Variants in DLG2 observed in about 807,000 individuals in gnomAD.
DLG2 encodes the protein discs large MAGUK scaffold protein 2.
Under a neutral mutation model 132.5 loss-of-function variants are expected in DLG2, and 45 were observed. The observed-to-expected ratio is 0.34, with a 90% CI of 0.27 to 0.44. The LOEUF is 0.44. Among genes scored for constraint, DLG2 ranks in the 20% least tolerant of loss-of-function variants. DLG2 has a pLI of 1.00. For synonymous variants in DLG2, 424 were observed against 419.6 expected (o/e 1.01, Z -0.13); for missense variants, 1,045 against 1,196.9 (o/e 0.87, Z 1.87).
At chr11:83,709,992 T>C (rs1246494285) in intron 18 of DLG2, among the ~76,000 whole-genome samples, 2 of 152,082 alleles carry the variant, frequency 1.3e-5, no homozygotes, top group Non-Finnish European at 2.9e-5. Flanking sequence ...GGGTGAGCAT[T>C]TTGTGAAAGA....
At chr11:84,614,886 C>T (rs1239886849) in intron 6 of DLG2, among the ~76,000 whole-genome samples, 1 of 152,102 alleles carries the variant, frequency 6.6e-6, no homozygotes, top group Non-Finnish European at 1.5e-5. Context: ...GTGCTATAAT[C>T]TACATCTGCT....
intron 6 of DLG2, among the ~76,000 whole-genome samples, chr11:84,951,168 A>G (rs2050861673): frequency 6.6e-6 from 1 of 152,218 alleles, no homozygotes; most frequent in Non-Finnish European, 1.5e-5. Context: ...GCTTCTAGTT[A>G]CACTGCAAGT....
chr11:83,499,850 GAGATAT>G (rs1471664998), intron 21 of DLG2, among the ~76,000 whole-genome samples: 1,253 of 58,740 alleles, frequency 0.021, 67 homozygotes, highest in Admixed American at 0.031. Flanking sequence ...CCACTAATAG[GAGATAT>G]ATATATATAT....
At chr11:85,198,136 A>G (rs1007530075) in intron 4 of DLG2, among the ~76,000 whole-genome samples, 1 of 152,126 alleles carries the variant, frequency 6.6e-6, no homozygotes, top group Non-Finnish European at 1.5e-5. Context: ...AGGTACTGAG[A>G]TTAGTGGTCA....
intron 19 of DLG2, among the ~76,000 whole-genome samples, chr11:83,616,351 G>C (rs2060807323): frequency 6.6e-6 from 1 of 152,150 alleles, no homozygotes; most frequent in African/African-American, 2.4e-5. Flanking sequence ...AGCAATGTTT[G>C]AGACTCTCTA....
chr11:84,073,631 T>G (rs970477314), intron 10 of DLG2, among the ~76,000 whole-genome samples: 1 of 152,188 alleles, frequency 6.6e-6, no homozygotes, highest in Non-Finnish European at 1.5e-5. Context: ...ACAAAGCTAG[T>G]TCTACTTAAG....
chr11:83,501,640 T>C (rs1591963989), intron 21 of DLG2, among the ~76,000 whole-genome samples: 1 of 152,216 alleles, frequency 6.6e-6, no homozygotes, highest in East Asian at 1.9e-4. Flanking sequence ...AAATTCCTTT[T>C]TTCCCTTTTC....
intron 6 of DLG2, among the ~76,000 whole-genome samples, chr11:84,644,580 C>T (rs1296239639): frequency 6.6e-6 from 1 of 151,860 alleles, no homozygotes; most frequent in African/African-American, 2.4e-5. Context: ...GTGGCGGGCA[C>T]CTGTAATCCC....
intron 4 of DLG2, among the ~76,000 whole-genome samples, chr11:85,156,626 A>G (rs2077606515): frequency 6.6e-6 from 1 of 152,206 alleles, no homozygotes; most frequent in Admixed American, 6.5e-5. Flanking sequence ...GTAGATGTAC[A>G]TAGTAAGGAC....
intron 6 of DLG2, among the ~76,000 whole-genome samples, chr11:84,732,768 T>C (rs1409564140): frequency 6.6e-6 from 1 of 151,928 alleles, no homozygotes; most frequent in South Asian, 2.1e-4. Flanking sequence ...ACATTAGGTA[T>C]ATCTCCTAAT....
intron 18 of DLG2, among the ~76,000 whole-genome samples, chr11:83,773,817 C>T (rs1449980203): frequency 1.2e-4 from 19 of 152,174 alleles, no homozygotes; most frequent in African/African-American, 3.1e-4. Flanking sequence ...ACTTCGGACA[C>T]GGCTGTGAGC....
intron 3 of DLG2, among the ~76,000 whole-genome samples, chr11:85,411,207 A>G (rs1164693673): frequency 2.0e-5 from 3 of 151,850 alleles, no homozygotes; most frequent in African/African-American, 4.8e-5. Context: ...GTACCTTATT[A>G]TTACATGCAT....
At chr11:84,256,380 T>C (rs1038632009) in intron 7 of DLG2, among the ~76,000 whole-genome samples, 22 of 152,278 alleles carry the variant, frequency 1.4e-4, no homozygotes, top group African/African-American at 4.8e-4. Flanking sequence ...AACACTCTCA[T>C]GTAGCTTAGC....
At chr11:83,953,605 G>A (rs1047319118) in intron 14 of DLG2, among the ~76,000 whole-genome samples, 1 of 152,170 alleles carries the variant, frequency 6.6e-6, no homozygotes, top group Non-Finnish European at 1.5e-5. Context: ...AAATCACCCA[G>A]GGATTGCAAA....
chr11:84,172,718 T>C (rs1233542499), intron 8 of DLG2, among the ~76,000 whole-genome samples: 1 of 152,074 alleles, frequency 6.6e-6, no homozygotes, highest in Non-Finnish European at 1.5e-5. Context: ...AATTTTTGTA[T>C]TTTTAGTAGA....
At chr11:84,184,165 G>A (rs1201949586) in intron 8 of DLG2, among the ~76,000 whole-genome samples, 3 of 152,120 alleles carry the variant, frequency 2.0e-5, no homozygotes, top group Admixed American at 2.0e-4. Flanking sequence ...ACTTCCACAA[G>A]GGTTGAACTA....
chr11:84,888,455 G>A (rs2088729288), intron 6 of DLG2, among the ~76,000 whole-genome samples: 1 of 152,004 alleles, frequency 6.6e-6, no homozygotes, highest in Non-Finnish European at 1.5e-5. Context: ...CTACTTTTCA[G>A]TTCTTAGGCT....
chr11:85,609,660 T>G (rs1053407640), intron 2 of DLG2, among the ~76,000 whole-genome samples: 6 of 152,108 alleles, frequency 3.9e-5, no homozygotes, highest in Admixed American at 2.6e-4. Context: ...TAACCCCCAA[T>G]AAGAAGACCC....
At chr11:84,143,101 T>C (rs1048402039) in intron 9 of DLG2, among the ~76,000 whole-genome samples, 5 of 152,156 alleles carry the variant, frequency 3.3e-5, no homozygotes, top group Non-Finnish European at 5.9e-5. Context: ...TTGTAGAATT[T>C]CAGTTTCAAC....
Sources: gnomAD v4.1 joint callset for allele counts (sites outside exome capture counted in the v4.1 genomes callset) on GRCh38, gnomAD v4.1.1 for gene constraint, MANE v1.5 for transcripts, NCBI Gene and HGNC (gene_info 2026-07-23, HGNC 2026-07-21) for gene names.